The following COG5 variants were observed in gnomAD, a reference collection of about 807,000 sequenced individuals.
COG5 encodes component of oligomeric golgi complex 5.
Under a neutral mutation model 110.4 loss-of-function variants are expected in COG5, and 86 were observed. The ratio of observed to expected loss-of-function variants is 0.78; its 90% confidence interval spans 0.65 to 0.93. The LOEUF (loss-of-function observed/expected upper bound fraction) is 0.93, where lower values mean the gene tolerates loss of function less well. COG5 is among the 40% of genes least tolerant of loss of function. The probability of loss-of-function intolerance (pLI) is 0.00; values close to 1 mark genes in which losing one functional copy is unlikely to be tolerated. For missense variants in COG5, 1,077 were observed against 987.0 expected, an observed-to-expected ratio of 1.09 and a Z score of -1.22; for synonymous variants, 360 against 334.6, an observed-to-expected ratio of 1.08 and a Z score of -0.83.
chr7:107,561,988 GAA>G (rs1356844206), intron 1 of COG5, among the ~76,000 whole-genome samples: 1 of 151,178 alleles, frequency 6.6e-6, no homozygotes, highest in Non-Finnish European at 1.5e-5. Context: ...AAAAAAAAAA[GAA>G]AGAAAGAAAG....
At chr7:107,559,380 T>C (rs1303255221) in intron 1 of COG5, among the ~76,000 whole-genome samples, 2 of 152,168 alleles carry the variant, frequency 1.3e-5, no homozygotes, top group Non-Finnish European at 2.9e-5. Flanking sequence ...TAGATACAAG[T>C]AAAGCTGCCT....
At chr7:107,527,427 C>A (rs887215644) in intron 5 of COG5, 70 bp from the exon 6 acceptor site, 1 of 1,536,066 alleles carries the variant, frequency 6.5e-7, no homozygotes, top group Non-Finnish European at 8.9e-7. Context: ...ATAGTAATAA[C>A]AAGCACAGTG....
chr7:107,523,818 A>G (rs1800521018), intron 6 of COG5, among the ~76,000 whole-genome samples: 1 of 152,170 alleles, frequency 6.6e-6, no homozygotes, highest in African/African-American at 2.4e-5. Context: ...TTTGTCTCAA[A>G]AAGAAAAAAA....
At chr7:107,270,628 T>TACACACACACACACACACACAC (rs112944834) in intron 14 of COG5, among the ~76,000 whole-genome samples, 20 of 150,608 alleles carry the variant, frequency 1.3e-4, no homozygotes, top group African/African-American at 4.9e-4. Flanking sequence ...AAAGATGTTA[T>TACACACACACACACACACACAC]ACACACACAC....
intron 5 of COG5, among the ~76,000 whole-genome samples, chr7:107,546,335 AGAAG>A (rs1802443122): frequency 6.6e-6 from 1 of 152,146 alleles, no homozygotes; most frequent in South Asian, 2.1e-4. Context: ...CAAAGTTAGT[AGAAG>A]GAAGAAAATA....
intron 14 of COG5, among the ~76,000 whole-genome samples, chr7:107,275,079 A>C (rs986716590): frequency 6.6e-6 from 1 of 152,188 alleles, no homozygotes; most frequent in Non-Finnish European, 1.5e-5. Flanking sequence ...AGGTATAGCC[A>C]GTGTGTCAGG....
intron 6 of COG5, among the ~76,000 whole-genome samples, chr7:107,489,969 T>A (rs1201059322): frequency 6.6e-6 from 1 of 152,132 alleles, no homozygotes; most frequent in East Asian, 1.9e-4. Flanking sequence ...TTCAGCATAA[T>A]ACCTGCCATA....
intron 6 of COG5, among the ~76,000 whole-genome samples, chr7:107,493,844 GAAC>G (rs1305780964): frequency 6.6e-6 from 1 of 152,122 alleles, no homozygotes; most frequent in African/African-American, 2.4e-5. Flanking sequence ...CAAAAAGAAA[GAAC>G]AACTTCTATT....
rs1261854008 is a variant in COG5 at position 107,201,413 on chromosome 7, G to A, written c.*2103C>T. ...CACTGAGTTTAATTTTATTTCCACA[G>A]GGCTCACAACAACATTAAACCAGGA... is the stretch of plus-strand genomic sequence containing the variant. On this transcript the variant is annotated 3_prime_UTR_variant, in exon 22 of 22. Coordinates refer to ENST00000297135, the MANE Select transcript of COG5 (RefSeq NM_006348.5). 3 of 1,570,292 alleles carry A rather than the reference G, an allele frequency of 1.9e-6. No homozygotes were observed. The highest frequency in any genetic ancestry group is 2.6e-6 in the Non-Finnish European group (3 of 1,141,610).
intron 7 of COG5, among the ~76,000 whole-genome samples, chr7:107,398,944 G>A (rs537879586): frequency 3.3e-5 from 5 of 152,268 alleles, no homozygotes; most frequent in Non-Finnish European, 7.4e-5. Flanking sequence ...GCTCACACCT[G>A]TAATCCCAGC....
intron 19 of COG5, among the ~76,000 whole-genome samples, chr7:107,224,187 T>G: frequency 6.6e-6 from 1 of 152,108 alleles, no homozygotes; most frequent in Non-Finnish European, 1.5e-5. Flanking sequence ...AAAGACAGAA[T>G]GCATCTGGAG....
At chr7:107,217,463 T>C (rs1235782347) in intron 19 of COG5, among the ~76,000 whole-genome samples, 3 of 152,190 alleles carry the variant, frequency 2.0e-5, no homozygotes, top group Admixed American at 6.5e-5. Context: ...TTGATGAACA[T>C]AGATATGAAG....
chr7:107,508,027 G>A (rs186171029), intron 6 of COG5, among the ~76,000 whole-genome samples: 23 of 152,316 alleles, frequency 1.5e-4, no homozygotes, highest in Admixed American at 1.1e-3. Context: ...GCCAGACAGT[G>A]GGTGCAAGAC....
chr7:107,514,139 A>C (rs1197086469), intron 6 of COG5, among the ~76,000 whole-genome samples: 1 of 152,160 alleles, frequency 6.6e-6, no homozygotes, highest in Non-Finnish European at 1.5e-5. Context: ...TAAAACTCAG[A>C]AAATAGACCA....
intron 12 of COG5, among the ~76,000 whole-genome samples, chr7:107,297,256 C>T (rs1188578501): frequency 6.6e-6 from 1 of 152,046 alleles, no homozygotes; most frequent in East Asian, 1.9e-4. Context: ...TCTTATCATT[C>T]TCTAAGCAAT....
intron 11 of COG5, among the ~76,000 whole-genome samples, chr7:107,310,158 T>A (rs919820723): frequency 2.6e-5 from 4 of 152,218 alleles, no homozygotes; most frequent in African/African-American, 9.6e-5. Flanking sequence ...CTATAGTTAA[T>A]ATCATGTGAT....
At chr7:107,476,183 TTAAAAAAAAAAA>T (rs1355748864) in intron 6 of COG5, among the ~76,000 whole-genome samples, 3 of 86,508 alleles carry the variant, frequency 3.5e-5, no homozygotes, top group African/African-American at 1.2e-4. Context: ...TGCAATGATT[TTAAAAAAAAAAA>T]AAAAAAAAAA....
In COG5 at chr7:107,474,376, T is replaced by C. The variant is rs1350266860; in HGVS notation, c.538+52861A>G. 1 of 1,612,768 alleles carries C rather than the reference T, an allele frequency of 6.2e-7. No homozygotes were observed. On this transcript the variant is annotated intron_variant, in intron 6 of 21. Transcript: ENST00000297135. The surrounding 1 kb of genome is among the most constrained non-coding windows in gnomAD (Gnocchi z 5.7). ...TCTAACTATAGTTATCCTTCTGCTT[T>C]CACTGGAGAGTAACACTGCTCTCAT...
chr7:107,421,607 A>G (rs1793296434), intron 6 of COG5, among the ~76,000 whole-genome samples: 1 of 152,116 alleles, frequency 6.6e-6, no homozygotes, highest in Non-Finnish European at 1.5e-5. Flanking sequence ...ACTGGCCAAC[A>G]TGGTGAAACC....
Sources: allele counts gnomAD v4.1 joint callset (sites outside exome capture counted in the v4.1 genomes callset), GRCh38; gene constraint gnomAD v4.1.1; non-coding constraint Gnocchi (gnomAD v3.1); transcripts MANE v1.5; gene names NCBI Gene and HGNC (gene_info 2026-07-23, HGNC 2026-07-21).